SULF2: variants seen among roughly 807,000 people sequenced by gnomAD.
The protein encoded by SULF2 is sulfatase 2, also known as extracellular sulfatase Sulf-2.
In SULF2, 52 loss-of-function variants were observed where a neutral mutation model predicts 107.7. The ratio of observed to expected loss-of-function variants is 0.48; its 90% CI spans 0.39 to 0.61. The LOEUF (loss-of-function observed/expected upper bound fraction) is 0.61, where lower values mean the gene tolerates loss of function less well. Among genes scored for constraint, SULF2 ranks in the 20% least tolerant of loss-of-function variants. The probability of loss-of-function intolerance (pLI) is 0.00; values close to 1 mark genes in which losing one functional copy is unlikely to be tolerated. For synonymous variants in SULF2, 460 were observed against 464.3 expected (o/e 0.99, Z 0.12); for missense variants, 993 against 1,177.3 (o/e 0.84, Z 2.29).
chr20:47,701,577 G>A (rs1038386060), intron 4 of SULF2, among the ~76,000 whole-genome samples: 1 of 152,176 alleles, frequency 6.6e-6, no homozygotes, highest in African/African-American at 2.4e-5. Flanking sequence ...TGTGAGGAAC[G>A]GGTATAACAG....
intron 1 of SULF2, among the ~76,000 whole-genome samples, chr20:47,761,299 C>T (rs2090413888): frequency 6.6e-6 from 1 of 152,220 alleles, no homozygotes; most frequent in Non-Finnish European, 1.5e-5. Flanking sequence ...TCTGCCCTCC[C>T]TCACCGTTCA....
intron 3 of SULF2, among the ~76,000 whole-genome samples, chr20:47,730,134 C>T (rs562377263): frequency 7.2e-5 from 11 of 152,178 alleles, no homozygotes; most frequent in South Asian, 2.1e-4. Context: ...CAGCTTTGTG[C>T]GAGAAGAGTG....
At position 47,658,211 on chromosome 20, in the gene SULF2, G is replaced by C. The variant is rs2086955168; in HGVS notation, c.*151C>G. 1 of 764,992 alleles carries C rather than the reference G, an allele frequency of 1.3e-6. No homozygotes were observed. The allele number at this position is 764,992 out of a possible 1,614,324, so 47.4% of individuals were successfully genotyped here. A position where few individuals can be genotyped will look rare whatever the true frequency, so the allele number is the denominator to read the frequency against. On this transcript the variant is annotated 3_prime_UTR_variant, in exon 21 of 21. Coordinates refer to ENST00000688720, the MANE Select transcript of SULF2 (RefSeq NM_001387048.1). The stretch of plus-strand genomic sequence containing the variant: ...CTCTGCTCCTGCTGGTTATCCTCCA[G>C]AATCTGTCATGTTGACTGAGAGTGC...
intron 3 of SULF2, among the ~76,000 whole-genome samples, chr20:47,704,469 C>T (rs2088666236): frequency 6.6e-6 from 1 of 152,064 alleles, no homozygotes; most frequent in African/African-American, 2.4e-5. Flanking sequence ...GAAGGGGTCT[C>T]GCCATGCTGC....
At chr20:47,746,991 AAAAATATAT>A (rs200991870) in intron 2 of SULF2, among the ~76,000 whole-genome samples, 13 of 83,064 alleles carry the variant, frequency 1.6e-4, no homozygotes, top group East Asian at 5.5e-4. Flanking sequence ...ATAAAAAAAA[AAAAATATAT>A]ATATATATAT....
chr20:47,764,703 T>C (rs1014164192), intron 1 of SULF2, among the ~76,000 whole-genome samples: 8 of 152,040 alleles, frequency 5.3e-5, no homozygotes, highest in African/African-American at 1.5e-4. Flanking sequence ...GTGGACCAAG[T>C]TGCATCTTGT....
chr20:47,727,700 A>G (rs2089482699), intron 3 of SULF2, among the ~76,000 whole-genome samples: 1 of 152,138 alleles, frequency 6.6e-6, no homozygotes, highest in African/African-American at 2.4e-5. Context: ...CGTATCACTC[A>G]GGGTGGCGTC....
chr20:47,671,817 C>T (rs992131485), intron 11 of SULF2, among the ~76,000 whole-genome samples: 7 of 152,032 alleles, frequency 4.6e-5, no homozygotes, highest in African/African-American at 7.2e-5. Flanking sequence ...TGGGTTCAAG[C>T]GATTCTCATG....
intron 3 of SULF2, among the ~76,000 whole-genome samples, chr20:47,734,721 A>C (rs941226288): frequency 1.3e-5 from 2 of 152,218 alleles, no homozygotes; most frequent in South Asian, 2.1e-4. Flanking sequence ...TGGCATTCTA[A>C]ATATAATGAA....
chr20:47,687,203 G>C (rs1039402160), intron 5 of SULF2, among the ~76,000 whole-genome samples: 5 of 152,220 alleles, frequency 3.3e-5, no homozygotes, highest in African/African-American at 1.2e-4. Flanking sequence ...CCGGCTCGGA[G>C]AGAGCGCTTT....
intron 1 of SULF2, among the ~76,000 whole-genome samples, chr20:47,782,346 A>G (rs1365347205): frequency 1.3e-5 from 2 of 152,228 alleles, no homozygotes; most frequent in African/African-American, 4.8e-5. Context: ...ATGCCAATTA[A>G]TTATAACGAT....
In SULF2 at chr20:47,679,180, G is replaced by A. The variant is rs11696384; in HGVS notation, c.1065-376C>T. 3.5e-3 allele frequency among the ~76,000 whole-genome samples: 528 copies of A among 152,024 alleles called. 2 individuals are homozygous for A. The highest frequency in any genetic ancestry group is 5.7e-3 in the Non-Finnish European group (384 of 67,964). ...CCTCTGGGGCAGACACTGGCTCCTC[G>A]CTGTTCCTTGACAGCCCAGGCACAG... On this transcript the variant is annotated intron_variant, in intron 7 of 20. Transcript: ENST00000688720.
At chr20:47,747,530 C>T (rs912120423) in intron 2 of SULF2, among the ~76,000 whole-genome samples, 1 of 152,124 alleles carries the variant, frequency 6.6e-6, no homozygotes, top group Non-Finnish European at 1.5e-5. Flanking sequence ...TTGGTCATTT[C>T]CTCTCTGAGA....
chr20:47,734,008 C>A (rs1318564731), intron 3 of SULF2, among the ~76,000 whole-genome samples: 2 of 152,208 alleles, frequency 1.3e-5, no homozygotes, highest in East Asian at 3.8e-4. Flanking sequence ...CTAGACTTCA[C>A]TTGTCCTTCA....
chr20:47,687,007 C>A (rs556908540), intron 5 of SULF2, among the ~76,000 whole-genome samples: 1 of 152,310 alleles, frequency 6.6e-6, no homozygotes, highest in South Asian at 2.1e-4. Flanking sequence ...CTGCTGGGGG[C>A]AGCAGTCGGA....
intron 2 of SULF2, among the ~76,000 whole-genome samples, chr20:47,743,979 C>T (rs1444817531): frequency 6.6e-6 from 1 of 152,290 alleles, no homozygotes; most frequent in Non-Finnish European, 1.5e-5. Context: ...GAATCATGCC[C>T]TCCCCTTCCT....
At chr20:47,684,913 T>C (rs2087947844) in intron 5 of SULF2, 2 of 201,324 alleles carry the variant, frequency 9.9e-6, no homozygotes, top group Non-Finnish European at 2.0e-5. Context: ...AACACCTCTC[T>C]AGACTTTGCT....
At chr20:47,698,700 CACAA>C (rs1483979777) in intron 4 of SULF2, among the ~76,000 whole-genome samples, 4 of 152,008 alleles carry the variant, frequency 2.6e-5, no homozygotes, top group Admixed American at 6.6e-5. Flanking sequence ...AATTTCTGTT[CACAA>C]ACAACTTCAA....
intron 3 of SULF2, among the ~76,000 whole-genome samples, chr20:47,715,857 G>A (rs888325319): frequency 1.3e-5 from 2 of 152,236 alleles, no homozygotes; most frequent in Admixed American, 6.5e-5. Context: ...GGGATTACAG[G>A]CGTGAGCCAC....
Sources: gnomAD v4.1 joint callset for allele counts (sites outside exome capture counted in the v4.1 genomes callset) on GRCh38, gnomAD v4.1.1 for gene constraint, MANE v1.5 for transcripts, NCBI Gene and HGNC (gene_info 2026-07-23, HGNC 2026-07-21) for gene names.